Variants in PALLD observed in about 807,000 individuals in gnomAD.
The protein encoded by PALLD is palladin.
PALLD carries 61 observed loss-of-function variants against 123.5 expected under a neutral mutation model. That is an observed-to-expected ratio of 0.49 (90% CI 0.40 to 0.61). The LOEUF (loss-of-function observed/expected upper bound fraction) is 0.61. PALLD is among the 20% of genes least tolerant of loss of function. PALLD has a pLI of 0.00. For synonymous variants in PALLD, 465 were observed against 496.4 expected (o/e 0.94, Z 0.84); for missense variants, 1,273 against 1,377.0 (o/e 0.92, Z 1.20).
chr4:168,822,760 C>A (rs1742900949), intron 10 of PALLD, among the ~76,000 whole-genome samples: 1 of 152,180 alleles, frequency 6.6e-6, no homozygotes, highest in Non-Finnish European at 1.5e-5. Context: ...AACTGCAAAG[C>A]ACCTGTTGTC....
rs544343289 is a variant in PALLD, at chr4:168,622,608, C to G, written c.909-45582C>G. On this transcript the variant is annotated intron_variant, in intron 2 of 21. Coordinates refer to ENST00000505667, the MANE Select transcript of PALLD (RefSeq NM_001166108.2). Reference sequence around the variant, plus strand: ...GAATTTGAAGTTGATTGCAATCTCCCTGTCCCTAAGCCCAAAAGAGAAGTA... The same window carrying G: ...GAATTTGAAGTTGATTGCAATCTCCGTGTCCCTAAGCCCAAAAGAGAAGTA... Among the ~76,000 whole-genome samples the G allele has an allele frequency of 1.8e-4, 28 of 152,336 alleles. No individual in the cohort carries two copies. In the South Asian group the frequency reaches 5.8e-3, roughly 32 times the overall value.
intron 2 of PALLD, among the ~76,000 whole-genome samples, chr4:168,656,808 A>G (rs1278880851): frequency 6.6e-6 from 1 of 152,232 alleles, no homozygotes; most frequent in Non-Finnish European, 1.5e-5. Context: ...TACGTGAGAG[A>G]TTAGAAATCA....
intron 10 of PALLD, among the ~76,000 whole-genome samples, chr4:168,764,091 C>A (rs1455734726): frequency 2.6e-5 from 4 of 152,074 alleles, no homozygotes; most frequent in Non-Finnish European, 4.4e-5. Context: ...AAAGAAACCA[C>A]TTTAAAGAAA....
intron 8 of PALLD, chr4:168,699,896 T>A (rs939367124): frequency 3.3e-5 from 5 of 153,250 alleles, no homozygotes; most frequent in Non-Finnish European, 5.8e-5. Context: ...TTAATAACTT[T>A]AAATTTTTCC....
chr4:168,724,245 A>G (rs951964818), intron 10 of PALLD, among the ~76,000 whole-genome samples: 1 of 152,232 alleles, frequency 6.6e-6, no homozygotes, highest in African/African-American at 2.4e-5. Context: ...TTATGTTTAC[A>G]ACTTTTACTA....
chr4:168,870,933 T>C (rs1056983525), intron 10 of PALLD, among the ~76,000 whole-genome samples: 2 of 152,054 alleles, frequency 1.3e-5, no homozygotes, highest in African/African-American at 4.8e-5. Context: ...GAACAGGGAG[T>C]TTTACATTGT....
At chr4:168,895,439 A>AACAGCCT (rs1229983433) in intron 12 of PALLD, among the ~76,000 whole-genome samples, 4 of 152,224 alleles carry the variant, frequency 2.6e-5, no homozygotes, top group African/African-American at 9.6e-5. Context: ...AAACTTAACT[A>AACAGCCT]ACAGCCTACT....
At chr4:168,531,024 T>C (rs545554125) in intron 2 of PALLD, among the ~76,000 whole-genome samples, 40 of 152,324 alleles carry the variant, frequency 2.6e-4, no homozygotes, top group African/African-American at 8.4e-4. Flanking sequence ...TTGTGCAAAT[T>C]ACAGAGCATA....
chr4:168,735,756 G>T (rs1305649378), intron 10 of PALLD, among the ~76,000 whole-genome samples: 1 of 152,004 alleles, frequency 6.6e-6, no homozygotes, highest in East Asian at 1.9e-4. Context: ...CTGGCTGGGG[G>T]CAGTATTTCA....
chr4:168,829,796 C>T (rs142911713), intron 10 of PALLD, among the ~76,000 whole-genome samples: 2 of 152,176 alleles, frequency 1.3e-5, no homozygotes, highest in African/African-American at 4.8e-5. Context: ...TTAGAATAGG[C>T]AAAGTGATTT....
At chr4:168,740,523 C>G (rs575524491) in intron 10 of PALLD, among the ~76,000 whole-genome samples, 1 of 152,158 alleles carries the variant, frequency 6.6e-6, no homozygotes, top group South Asian at 2.1e-4. Context: ...TTGACAGATA[C>G]TAAGTTTCTT....
intron 9 of PALLD, among the ~76,000 whole-genome samples, chr4:168,711,080 C>G (rs1784793410): frequency 6.6e-6 from 1 of 152,056 alleles, no homozygotes; most frequent in Non-Finnish European, 1.5e-5. Flanking sequence ...GAGCAATCAC[C>G]TAATATGGAA....
intron 1 of PALLD, chr4:168,504,816 C>T (rs1405115279): frequency 6.6e-6 from 1 of 152,170 alleles, no homozygotes; most frequent in South Asian, 2.1e-4. Context: ...ATTTCAAAAT[C>T]TTTCAATGCT....
chr4:168,767,837 G>T (rs371319217), intron 10 of PALLD, among the ~76,000 whole-genome samples: 15 of 152,042 alleles, frequency 9.9e-5, no homozygotes, highest in African/African-American at 3.1e-4. Flanking sequence ...ATGAGCCACC[G>T]TGCCCAGCCT....
At chr4:168,691,078 G>A (rs954763872) in intron 7 of PALLD, among the ~76,000 whole-genome samples, 191 bp from the exon 8 acceptor site, 1 of 152,134 alleles carries the variant, frequency 6.6e-6, no homozygotes, top group Non-Finnish European at 1.5e-5. Context: ...ACAGGAATTT[G>A]AGTTTTTATA....
intron 10 of PALLD, chr4:168,877,839 C>T: frequency 7.5e-7 from 1 of 1,334,858 alleles, no homozygotes; most frequent in Non-Finnish European, 9.6e-7. Context: ...TTCCCGCCGC[C>T]GCCCGCCTTC....
intron 3 of PALLD, among the ~76,000 whole-genome samples, chr4:168,669,158 C>G (rs1297334175): frequency 6.6e-6 from 1 of 152,234 alleles, no homozygotes; most frequent in Admixed American, 6.5e-5. Context: ...TCCTTGAGGT[C>G]TGTACTTTTT....
At chr4:168,811,526 G>A (rs1741111729) in intron 10 of PALLD, among the ~76,000 whole-genome samples, 1 of 152,188 alleles carries the variant, frequency 6.6e-6, no homozygotes, top group Non-Finnish European at 1.5e-5. Flanking sequence ...CTTGAGTCCA[G>A]GAGTATGAGA....
At chr4:168,873,286 A>G (rs961258156) in intron 10 of PALLD, among the ~76,000 whole-genome samples, 6 of 152,196 alleles carry the variant, frequency 3.9e-5, no homozygotes, top group African/African-American at 1.4e-4. Flanking sequence ...GTGCTTATAA[A>G]TATCAGGACC....
Sources: gnomAD v4.1 joint callset for allele counts (sites outside exome capture counted in the v4.1 genomes callset) on GRCh38, gnomAD v4.1.1 for gene constraint, MANE v1.5 for transcripts, NCBI Gene and HGNC (gene_info 2026-07-23, HGNC 2026-07-21) for gene names.